NCAM2: variants seen among roughly 807,000 people sequenced by gnomAD.
The protein encoded by NCAM2 is neural cell adhesion molecule 2.
Under a neutral mutation model 98.1 loss-of-function variants are expected in NCAM2, and 30 were observed. The ratio of observed to expected loss-of-function variants is 0.31; its 90% confidence interval spans 0.23 to 0.41. The LOEUF is 0.41. NCAM2 is among the 10% of genes least tolerant of loss of function. The probability of loss-of-function intolerance (pLI) is 1.00; values close to 1 mark genes in which losing one functional copy is unlikely to be tolerated. For synonymous variants in NCAM2, 368 were observed against 342.4 expected, an observed-to-expected ratio of 1.07 and a Z score of -0.83; for missense variants, 867 against 1,005.8, an observed-to-expected ratio of 0.86 and a Z score of 1.87.
chr21:21,153,095 CT>C (rs1223730587), intron 1 of NCAM2, among the ~76,000 whole-genome samples: 1 of 151,226 alleles, frequency 6.6e-6, no homozygotes, highest in Admixed American at 6.6e-5. Flanking sequence ...TTTTTTATTT[CT>C]GTTTTTTAGT....
chr21:21,250,035 G>C (rs555051062), intron 1 of NCAM2, among the ~76,000 whole-genome samples: 176 of 152,274 alleles, frequency 1.2e-3, no homozygotes, highest in Admixed American at 2.6e-3. Context: ...AAAATGTGCA[G>C]TAATAGGTTC....
chr21:21,450,066 T>C (rs1453971136), intron 12 of NCAM2, among the ~76,000 whole-genome samples: 2 of 152,072 alleles, frequency 1.3e-5, no homozygotes, highest in African/African-American at 4.8e-5. Flanking sequence ...CCATTGCACA[T>C]AACAGTGTTA....
chr21:21,216,334 G>A (rs147342633), intron 1 of NCAM2, among the ~76,000 whole-genome samples: 1 of 152,290 alleles, frequency 6.6e-6, no homozygotes, highest in Non-Finnish European at 1.5e-5. Flanking sequence ...AACTAGAGCA[G>A]ATGTAGGGTA....
At chr21:21,333,022 C>T (rs920354212) in intron 6 of NCAM2, among the ~76,000 whole-genome samples, 2 of 152,102 alleles carry the variant, frequency 1.3e-5, no homozygotes, top group Non-Finnish European at 2.9e-5. Context: ...AAAAAGGGGA[C>T]GCTTAGAGAA....
chr21:21,466,920 A>T (rs1423603750), intron 13 of NCAM2, among the ~76,000 whole-genome samples, 195 bp downstream of exon 13: 4 of 152,058 alleles, frequency 2.6e-5, no homozygotes, highest in Non-Finnish European at 4.4e-5. Context: ...AAGGCAGAAA[A>T]AAAAGAGTGC....
chr21:21,523,135 A>G (rs755517247), intron 16 of NCAM2, among the ~76,000 whole-genome samples: 1 of 152,100 alleles, frequency 6.6e-6, no homozygotes, highest in Non-Finnish European at 1.5e-5. Flanking sequence ...CTATTCTGCA[A>G]GTTGTCTCTT....
intron 1 of NCAM2, among the ~76,000 whole-genome samples, chr21:21,186,691 T>C (rs550062023): frequency 2.7e-4 from 41 of 152,320 alleles, no homozygotes; most frequent in Non-Finnish European, 5.0e-4. Context: ...GTAGATCCTA[T>C]GCTTGTAATT....
At chr21:21,314,348 C>G (rs1408672644) in intron 5 of NCAM2, among the ~76,000 whole-genome samples, 1 of 152,032 alleles carries the variant, frequency 6.6e-6, no homozygotes, top group African/African-American at 2.4e-5. Flanking sequence ...TTAATGATTT[C>G]TGGTCAAAAA....
intron 1 of NCAM2, among the ~76,000 whole-genome samples, chr21:21,203,702 A>G (rs2069323960): frequency 6.6e-6 from 1 of 152,170 alleles, no homozygotes; most frequent in African/African-American, 2.4e-5. Flanking sequence ...GAAGTTCTGT[A>G]ATAGGCAACA....
chr21:21,017,465 C>G lies in NCAM2; in HGVS notation c.55+18847C>G, dbSNP rs144659796. 4.6e-3 allele frequency among the ~76,000 whole-genome samples: 604 copies of G among 132,374 alleles called. 3 individuals are homozygous for G. The highest frequency in any genetic ancestry group is 8.8e-3 in the Middle Eastern group (2 of 226). 86.8% of individuals were successfully genotyped at this position (132,374 alleles called of 152,430 possible). On this transcript the variant is annotated intron_variant, in intron 1 of 17. Coordinates refer to ENST00000400546, the MANE Select transcript of NCAM2 (RefSeq NM_004540.5). The stretch of plus-strand genomic sequence containing the variant: ...AAAAAAAAAGAAATAGAAACGGGAA[C>G]CAGAGTCTTCTATAGAGGGAGAAGT...
chr21:21,360,477 T>C (rs924212764), intron 8 of NCAM2, among the ~76,000 whole-genome samples: 1 of 152,022 alleles, frequency 6.6e-6, no homozygotes, highest in Non-Finnish European at 1.5e-5. Flanking sequence ...AGTTACATGA[T>C]TTTTAGATTG....
In NCAM2 at chr21:21,473,551, A is replaced by G. The variant is rs1269897154; in HGVS notation, c.1897-3740A>G. On this transcript the variant is annotated intron_variant, in intron 14 of 17. Coordinates refer to ENST00000400546, the MANE Select transcript of NCAM2 (RefSeq NM_004540.5). ...GAACCGGGAACTGCTTTATATACAT[A>G]CAAAATCTTAAATCATAGGACATGA... Among the ~76,000 whole-genome samples the G allele has an allele frequency of 6.6e-5, 10 of 151,586 alleles. No homozygotes were observed. In the East Asian group the frequency reaches 9.7e-4, roughly 15 times the overall value.
chr21:21,120,150 T>C (rs2066642183), intron 1 of NCAM2, among the ~76,000 whole-genome samples: 1 of 152,240 alleles, frequency 6.6e-6, no homozygotes, highest in South Asian at 2.1e-4. Flanking sequence ...TGAAAGACTT[T>C]GCAAGTTTTA....
At chr21:21,270,558 A>G (rs2072456022) in intron 1 of NCAM2, among the ~76,000 whole-genome samples, 1 of 152,176 alleles carries the variant, frequency 6.6e-6, no homozygotes, top group Non-Finnish European at 1.5e-5. Flanking sequence ...TCTATGCAAT[A>G]ATGTTTACTT....
In NCAM2 at chr21:21,400,752, C is replaced by A. The variant is rs138170687; in HGVS notation, c.1196-9522C>A. 6.1e-4 allele frequency among the ~76,000 whole-genome samples: 93 copies of A among 152,014 alleles called. 1 individual carries two copies. Among genetic ancestry groups the A allele is most frequent in the South Asian group, 2.3e-3 (11 of 4,820 alleles). On this transcript the variant is annotated intron_variant, in intron 9 of 17. Transcript: ENST00000400546. ...AGGCACCTTATTGTACAAACATATGCGTATCAATGCCTGCATTTGTATGTA... is the reference window on the plus strand; with the variant it reads ...AGGCACCTTATTGTACAAACATATGAGTATCAATGCCTGCATTTGTATGTA...
At chr21:21,121,611 AT>A (rs1389891297) in intron 1 of NCAM2, among the ~76,000 whole-genome samples, 1 of 152,236 alleles carries the variant, frequency 6.6e-6, no homozygotes, top group Non-Finnish European at 1.5e-5. Context: ...CAAAATATTC[AT>A]GATCCTTCTT....
rs115195124 is a variant in NCAM2 at position 21,217,218 on chromosome 21, G to C, written c.56-63360G>C. ...CAATCATAACACACCATACCACCAG[G>C]TCTTTGTTATTGCTCAGTACAAGCA... On this transcript the variant is annotated intron_variant, in intron 1 of 17. Transcript: ENST00000400546. Among the ~76,000 whole-genome samples, 863 of 152,172 alleles carry C rather than the reference G, an allele frequency of 5.7e-3. 12 individuals are homozygous for C. Among genetic ancestry groups the C allele is most frequent in the African/African-American group, 0.02 (829 of 41,512 alleles).
intron 9 of NCAM2, among the ~76,000 whole-genome samples, chr21:21,387,951 T>G (rs1260006400): frequency 6.6e-5 from 10 of 152,188 alleles, no homozygotes; most frequent in Admixed American, 6.5e-4. Context: ...TTATGCATCA[T>G]AAACACCCAA....
At chr21:21,021,888 G>A (rs1310786284) in intron 1 of NCAM2, among the ~76,000 whole-genome samples, 1 of 151,972 alleles carries the variant, frequency 6.6e-6, no homozygotes, top group African/African-American at 2.4e-5. Context: ...TACATTCTAA[G>A]CTTTTTATAC....
Sources: gnomAD v4.1 joint callset for allele counts (sites outside exome capture counted in the v4.1 genomes callset) on GRCh38, gnomAD v4.1.1 for gene constraint, MANE v1.5 for transcripts, NCBI Gene and HGNC (gene_info 2026-07-23, HGNC 2026-07-21) for gene names.